Variants in NT5C1B observed in about 807,000 individuals in gnomAD.
NT5C1B encodes the protein 5'-nucleotidase, cytosolic IB.
In NT5C1B, 44 loss-of-function variants were observed where a neutral mutation model predicts 57.8. That is an observed-to-expected ratio of 0.76 (90% CI 0.60 to 0.98). The LOEUF is 0.98. Among genes scored for constraint, NT5C1B ranks in the 50% least tolerant of loss-of-function variants. The probability of loss-of-function intolerance (pLI) is 0.00; values close to 1 mark genes in which losing one functional copy is unlikely to be tolerated. For synonymous variants in NT5C1B, 284 were observed against 282.6 expected (o/e 1.00, Z -0.05); for missense variants, 742 against 719.5 (o/e 1.03, Z -0.36).
At position 18,586,393 on chromosome 2, in the gene NT5C1B, T is replaced by G. The variant is rs1373442553; in HGVS notation, c.121-2A>C. 1 of 1,613,802 alleles carries G rather than the reference T, an allele frequency of 6.2e-7. No individual in the cohort carries two copies. The highest frequency in any genetic ancestry group is 1.3e-5 in the African/African-American group (1 of 74,890). On this transcript the variant is annotated splice_acceptor_variant, in intron 2 of 8. Coordinates refer to ENST00000304081, the Ensembl canonical transcript of NT5C1B. LOFTEE classifies it high-confidence loss of function. ...CCGCAGTGATGATTCTTGTGATCCCTGTGATGGAAAGAAGAAACCCAACGG... is the reference window on the plus strand; with the variant it reads ...CCGCAGTGATGATTCTTGTGATCCCGGTGATGGAAAGAAGAAACCCAACGG...
At position 18,584,586 on chromosome 2, in the gene NT5C1B, GTCGTCC is replaced by G. The variant is rs750954101; in HGVS notation, c.645_650del (p.Glu215_Asp216del). The G allele has an allele frequency of 3.7e-6, 6 of 1,612,692 alleles. No homozygotes were observed. The highest frequency in any genetic ancestry group is 5.1e-6 in the Non-Finnish European group (6 of 1,179,490). On this transcript the variant is annotated inframe_deletion, in exon 4 of 9. Coordinates refer to ENST00000304081, the Ensembl canonical transcript of NT5C1B. This position sits in a 1 kb window ranked among gnomAD's most constrained non-coding sequence, Gnocchi z 5.8. Reference sequence around the variant, plus strand: ...TGGATGCCCAGTAGGCAGCCTCGTAGTCGTCCTCGTCCTCCCGCTGCTGCTGCTGCT... The same window carrying G: ...TGGATGCCCAGTAGGCAGCCTCGTAGTCGTCCTCCCGCTGCTGCTGCTGCT...
chr2:18,576,426 A>G, intron 7 of NT5C1B, 58 bp from the exon 8 acceptor site: 1 of 1,537,118 alleles, frequency 6.5e-7, no homozygotes, highest in South Asian at 1.3e-5. Context: ...TATAGTTTCT[A>G]CCATTAAAAA....
intron 8 of NT5C1B, among the ~76,000 whole-genome samples, chr2:18,565,396 A>T (rs964165543): frequency 6.6e-6 from 1 of 152,208 alleles, no homozygotes; most frequent in Non-Finnish European, 1.5e-5. Context: ...ATCCCTGAGA[A>T]TATAGTATAT....
intron 6 of NT5C1B, among the ~76,000 whole-genome samples, chr2:18,578,116 T>A (rs895029102): frequency 6.6e-6 from 1 of 152,106 alleles, no homozygotes; most frequent in African/African-American, 2.4e-5. Flanking sequence ...GTTTCTAAAT[T>A]GAATCAGTAA....
At chr2:18,575,768 G>A (rs1030846412) in intron 8 of NT5C1B, among the ~76,000 whole-genome samples, 2 of 152,078 alleles carry the variant, frequency 1.3e-5, no homozygotes, top group South Asian at 4.1e-4. Context: ...TCAATTAAGC[G>A]ATGCCTTTCT....
intron 8 of NT5C1B, among the ~76,000 whole-genome samples, chr2:18,572,848 A>G (rs1665331224): frequency 6.6e-6 from 1 of 152,238 alleles, no homozygotes. Context: ...CATTGCTTTT[A>G]GAAATGCAAA....
chr2:18,583,905 C>T, intron 5 of NT5C1B, 183 bp downstream of exon 5: 4 of 1,005,598 alleles, frequency 4.0e-6, no homozygotes, highest in Non-Finnish European at 6.2e-6. Context: ...GCTGGAGTCC[C>T]TTCCTCCACA....
intron 8 of NT5C1B, among the ~76,000 whole-genome samples, chr2:18,565,726 T>G (rs1319763916): frequency 6.6e-6 from 1 of 152,158 alleles, no homozygotes. Context: ...AATATTTTAA[T>G]CATTTAATAT....
intron 6 of NT5C1B, among the ~76,000 whole-genome samples, chr2:18,582,639 A>T (rs913100449): frequency 2.6e-5 from 4 of 152,230 alleles, no homozygotes; most frequent in Non-Finnish European, 5.9e-5. Flanking sequence ...AGACTTTGAA[A>T]TTCACACTTG....
In NT5C1B at chr2:18,584,781, A is replaced by G; in HGVS notation, c.456T>C (p.Asn152=). ...CGATGCCTTGGGCCCAGGCCTCCGG[A>G]TTCTCTTGCATTTTGGTGCTGCGCC... The change falls in exon 4 of 9, where the codon AAT becomes AAC. Residue 152 remains asparagine (N), a synonymous_variant. Coordinates refer to ENST00000304081, the Ensembl canonical transcript of NT5C1B. This position sits in a 1 kb window ranked among gnomAD's most constrained non-coding sequence, Gnocchi z 5.8. 1 of 1,613,454 alleles carries G rather than the reference A, an allele frequency of 6.2e-7. No homozygotes were observed. Among genetic ancestry groups the G allele is most frequent in the Non-Finnish European group, 8.5e-7 (1 of 1,179,782 alleles).
chr2:18,563,245 AGAT>A (rs1290681392), exon 9 of NT5C1B: 7 of 152,302 alleles, frequency 4.6e-5, no homozygotes, highest in African/African-American at 1.7e-4. Context: ...AGGAACAACC[AGAT>A]GATTTATTTC....
intron 8 of NT5C1B, among the ~76,000 whole-genome samples, chr2:18,575,520 A>C (rs948770102): frequency 2.6e-5 from 4 of 152,194 alleles, no homozygotes; most frequent in Non-Finnish European, 5.9e-5. Context: ...AAGACCTATC[A>C]GTTTAGATTC....
At position 18,586,332 on chromosome 2, in the gene NT5C1B, TTGAC is replaced by T; in HGVS notation, c.176_179del (p.Ser59AsnfsTer16). On this transcript the variant is annotated frameshift_variant, in exon 3 of 9. Transcript: ENST00000304081. LOFTEE classifies it high-confidence loss of function. Reference sequence around the variant, plus strand: ...ATGGGCTCCGGGATATTCTAGACCATTGACTGCGCACAAGGTACCCTCGAGAGTC... The same window carrying T: ...ATGGGCTCCGGGATATTCTAGACCATTGCGCACAAGGTACCCTCGAGAGTC... 6.2e-7 allele frequency: 1 copy of T among 1,614,200 alleles called. No homozygotes were observed. The highest frequency in any genetic ancestry group is 8.5e-7 in the Non-Finnish European group (1 of 1,180,038).
intron 8 of NT5C1B, among the ~76,000 whole-genome samples, chr2:18,567,312 G>C (rs1350460101): frequency 6.6e-6 from 1 of 152,142 alleles, no homozygotes; most frequent in African/African-American, 2.4e-5. Flanking sequence ...TATCCTCCAG[G>C]GCATGAGTAA....
exon 9 of NT5C1B, chr2:18,563,187 C>T (rs1664330093): frequency 6.6e-6 from 1 of 151,854 alleles, no homozygotes; most frequent in African/African-American, 2.4e-5. Flanking sequence ...TTTCAGAGAA[C>T]CTTTCTTAGG....
intron 8 of NT5C1B, among the ~76,000 whole-genome samples, chr2:18,572,083 CAAAA>C (rs34186303): frequency 4.1e-5 from 4 of 97,422 alleles, no homozygotes; most frequent in Non-Finnish European, 4.1e-5. Context: ...GAGACTCTGT[CAAAA>C]AAAAAAAAAA....
intron 8 of NT5C1B, among the ~76,000 whole-genome samples, chr2:18,564,949 A>AATCCCAGATCTATT (rs1189834675): frequency 6.6e-6 from 1 of 152,198 alleles, no homozygotes; most frequent in African/African-American, 2.4e-5. Context: ...TTTTAAAAAG[A>AATCCCAGATCTATT]ATCCCAGATC....
At chr2:18,569,215 G>A (rs2148093076) in intron 8 of NT5C1B, among the ~76,000 whole-genome samples, 1 of 152,168 alleles carries the variant, frequency 6.6e-6, no homozygotes, top group East Asian at 1.9e-4. Flanking sequence ...GTAAACACTA[G>A]CGTAACTAAT....
chr2:18,586,731 G>T, intron 2 of NT5C1B: 1 of 614,130 alleles, frequency 1.6e-6, no homozygotes. Flanking sequence ...GGATAAGCCT[G>T]TTAACAGATG....
Sources: gnomAD v4.1 joint callset for allele counts (sites outside exome capture counted in the v4.1 genomes callset) on GRCh38, gnomAD v4.1.1 for gene constraint, Gnocchi (gnomAD v3.1) non-coding constraint, MANE v1.5 for transcripts, NCBI Gene and HGNC (gene_info 2026-07-23, HGNC 2026-07-21) for gene names.